Variants in RALYL observed in about 807,000 individuals in gnomAD.
The protein encoded by RALYL is RALY RNA binding protein like.
RALYL carries 29 observed loss-of-function variants against 35.1 expected under a neutral mutation model. The ratio of observed to expected loss-of-function variants is 0.83; its 90% CI spans 0.61 to 1.13. RALYL has a LOEUF of 1.13. RALYL is among the 50% of genes most tolerant of loss of function. The pLI, the probability that RALYL is intolerant of heterozygous loss-of-function variation, is 0.00. For synonymous variants in RALYL, 120 were observed against 127.6 expected (o/e 0.94, Z 0.40); for missense variants, 359 against 360.4 (o/e 1.00, Z 0.03).
At chr8:84,610,132 C>G (rs1402761858) in intron 2 of RALYL, among the ~76,000 whole-genome samples, 1 of 152,056 alleles carries the variant, frequency 6.6e-6, no homozygotes, top group Non-Finnish European at 1.5e-5. Context: ...AGTTGATAAA[C>G]CATTAACTAA....
intron 2 of RALYL, among the ~76,000 whole-genome samples, chr8:84,632,336 G>A (rs1282181447): frequency 6.6e-6 from 1 of 151,934 alleles, no homozygotes; most frequent in East Asian, 1.9e-4. Context: ...ACATATCTTA[G>A]ACTTCCATTT....
intron 2 of RALYL, among the ~76,000 whole-genome samples, chr8:84,621,202 T>G (rs1272310443): frequency 6.6e-6 from 1 of 152,118 alleles, no homozygotes; most frequent in East Asian, 1.9e-4. Context: ...GCTGCCCCCT[T>G]GCAGTCTGAT....
chr8:84,468,861 C>G (rs1031450168), intron 1 of RALYL, among the ~76,000 whole-genome samples: 9 of 151,994 alleles, frequency 5.9e-5, no homozygotes, highest in African/African-American at 1.2e-4. Context: ...TCTTTTTTCT[C>G]TAGACTTCCC....
At chr8:84,427,146 A>G (rs1368684650) in intron 1 of RALYL, among the ~76,000 whole-genome samples, 1 of 152,228 alleles carries the variant, frequency 6.6e-6, no homozygotes, top group Non-Finnish European at 1.5e-5. Flanking sequence ...GTTTCACCCC[A>G]GATATGCCCA....
At chr8:84,442,568 G>A (rs145531715) in intron 1 of RALYL, among the ~76,000 whole-genome samples, 428 of 152,214 alleles carry the variant, frequency 2.8e-3, no homozygotes, top group Non-Finnish European at 4.5e-3. Context: ...TAGTTTCCAT[G>A]AGAGCTCCTC....
intron 6 of RALYL, among the ~76,000 whole-genome samples, chr8:84,868,081 G>T (rs1421331630): frequency 6.6e-6 from 1 of 151,982 alleles, no homozygotes; most frequent in Non-Finnish European, 1.5e-5. Flanking sequence ...GACCAGGGAG[G>T]CAGTTCACCA....
chr8:84,688,257 C>G (rs1837249290), intron 2 of RALYL, among the ~76,000 whole-genome samples: 1 of 151,760 alleles, frequency 6.6e-6, no homozygotes. Flanking sequence ...ATTCCATAAT[C>G]TAGAATGTTA....
At chr8:84,672,870 C>T (rs1037532324) in intron 2 of RALYL, among the ~76,000 whole-genome samples, 1 of 152,146 alleles carries the variant, frequency 6.6e-6, no homozygotes, top group Non-Finnish European at 1.5e-5. Context: ...GAGGGCACAA[C>T]CAAACCATAT....
chr8:84,462,398 G>A (rs148958435), intron 1 of RALYL, among the ~76,000 whole-genome samples: 37 of 150,208 alleles, frequency 2.5e-4, no homozygotes, highest in African/African-American at 7.6e-4. Context: ...GACTTGTTCC[G>A]TCCTCTGAAT....
At chr8:84,330,295 A>G (rs1383239592) in intron 1 of RALYL, among the ~76,000 whole-genome samples, 1 of 152,082 alleles carries the variant, frequency 6.6e-6, no homozygotes, top group Non-Finnish European at 1.5e-5. Context: ...CATAATTCTT[A>G]GTCTTTCTGA....
In RALYL at chr8:84,425,978, T is replaced by A. The variant is rs576392751; in HGVS notation, c.-23-103321T>A. ...ATATATTATCTAAAATAGAGAAGAA[T>A]TGAGGATAACCGTTTATCCATTTAT... On this transcript the variant is annotated intron_variant, in intron 1 of 8. Coordinates refer to ENST00000521268, the MANE Select transcript of RALYL (RefSeq NM_173848.7). Among the ~76,000 whole-genome samples, 18 of 152,230 alleles carry A rather than the reference T, an allele frequency of 1.2e-4. 1 individual carries two copies. In the South Asian group the frequency reaches 2.9e-3, roughly 25 times the overall value.
chr8:84,470,219 A>C (rs13255463), intron 1 of RALYL, among the ~76,000 whole-genome samples: 53,123 of 152,094 alleles, frequency 0.35, 9,595 homozygotes, highest in South Asian at 0.52. Flanking sequence ...AAAGATGTAC[A>C]CATCCACTTG....
intron 1 of RALYL, among the ~76,000 whole-genome samples, chr8:84,436,367 C>T (rs570679846): frequency 5.3e-4 from 80 of 152,056 alleles, no homozygotes; most frequent in Middle Eastern, 6.8e-3. Context: ...ATGGGTGCTT[C>T]TGATCCAAAA....
intron 4 of RALYL, among the ~76,000 whole-genome samples, chr8:84,822,996 C>A (rs531894381): frequency 6.6e-6 from 1 of 152,182 alleles, no homozygotes; most frequent in Non-Finnish European, 1.5e-5. Context: ...TGAACTGCTG[C>A]TTCATCTCAT....
intron 2 of RALYL, among the ~76,000 whole-genome samples, chr8:84,769,755 A>G (rs1175791996): frequency 1.3e-5 from 2 of 151,978 alleles, no homozygotes; most frequent in African/African-American, 2.4e-5. Flanking sequence ...ACAAAAACAA[A>G]CAAAAAAACC....
chr8:84,478,922 T>TAAAAAAAAGAAAAAAAAAAAAA (rs1587656659), intron 1 of RALYL, among the ~76,000 whole-genome samples: 1 of 85,254 alleles, frequency 1.2e-5, no homozygotes, highest in Non-Finnish European at 2.7e-5. Context: ...CCGTCTCTAC[T>TAAAAAAAAGAAAAAAAAAAAAA]AAAAATACAA....
intron 1 of RALYL, among the ~76,000 whole-genome samples, chr8:84,282,425 T>C (rs1836752905): frequency 6.6e-6 from 1 of 152,064 alleles, no homozygotes; most frequent in African/African-American, 2.4e-5. Context: ...AATAAAACAA[T>C]ATTTCTATTT....
chr8:84,626,218 G>C (rs1223655764), intron 2 of RALYL, among the ~76,000 whole-genome samples: 1 of 152,140 alleles, frequency 6.6e-6, no homozygotes, highest in Non-Finnish European at 1.5e-5. Context: ...CGGAAAATAC[G>C]TTTAAGTTGA....
intron 1 of RALYL, among the ~76,000 whole-genome samples, chr8:84,462,227 C>T (rs1396516264): frequency 6.6e-6 from 1 of 150,720 alleles, no homozygotes; most frequent in Non-Finnish European, 1.5e-5. Flanking sequence ...GCTTATTTGT[C>T]ATCTGTTTAT....
Sources: gnomAD v4.1 joint callset for allele counts (sites outside exome capture counted in the v4.1 genomes callset) on GRCh38, gnomAD v4.1.1 for gene constraint, MANE v1.5 for transcripts, NCBI Gene and HGNC (gene_info 2026-07-23, HGNC 2026-07-21) for gene names.